The following TAF4B variants were observed in gnomAD, a reference collection of about 807,000 sequenced individuals.
The protein encoded by TAF4B is transcription initiation factor TFIID subunit 4B.
A neutral mutation model predicts 86.4 loss-of-function variants in TAF4B; 38 were observed. The observed-to-expected ratio is 0.44, with a 90% confidence interval of 0.34 to 0.58. The LOEUF is 0.58. TAF4B is among the 20% of genes least tolerant of loss of function. The probability of loss-of-function intolerance (pLI) is 0.02; values close to 1 mark genes in which losing one functional copy is unlikely to be tolerated. For missense variants in TAF4B, 988 were observed against 1,027.6 expected (o/e 0.96, Z 0.53); for synonymous variants, 388 against 391.2 (o/e 0.99, Z 0.10).
intron 1 of TAF4B, among the ~76,000 whole-genome samples, chr18:26,253,769 T>G (rs2144505378): frequency 1.3e-5 from 2 of 152,290 alleles, no homozygotes; most frequent in Middle Eastern, 6.8e-3. Context: ...TCAGGTTGTC[T>G]ATTCTTTCTT....
At chr18:26,298,261 C>T (rs528103984) in intron 9 of TAF4B, among the ~76,000 whole-genome samples, 1 of 151,948 alleles carries the variant, frequency 6.6e-6, no homozygotes, top group African/African-American at 2.4e-5. Flanking sequence ...TGCTCTGTCA[C>T]GCAGGCTGCA....
chr18:26,365,598 T>C (rs546403403), intron 14 of TAF4B, among the ~76,000 whole-genome samples: 48 of 151,494 alleles, frequency 3.2e-4, no homozygotes, highest in African/African-American at 1.2e-3. Flanking sequence ...TGAGACAGAG[T>C]CCGTGGCTTT....
At chr18:26,296,672 A>G (rs987861231) in intron 9 of TAF4B, among the ~76,000 whole-genome samples, 1 of 152,224 alleles carries the variant, frequency 6.6e-6, no homozygotes, top group Admixed American at 6.5e-5. Flanking sequence ...GTCAGGATAC[A>G]TGGAATATTT....
rs1026734714 is a variant in TAF4B at position 26,292,506 on chromosome 18, G to T, written c.1726+125G>T. On this transcript the variant is annotated intron_variant, in intron 8 of 14. Transcript: ENST00000269142. ...CTTTTAAAGTTGGCACCCATTGAGA[G>T]AAAACAGAAAGATAATCGTTAGATT... The T allele has an allele frequency of 1.2e-5, 12 of 999,828 alleles. No homozygotes were observed. The African/African-American group carries it at 1.8e-4, about 15-fold the overall frequency. The allele number at this position is 999,828 out of a possible 1,614,324, so 61.9% of individuals were successfully genotyped here.
chr18:26,383,995 T>C (rs576135919), intron 14 of TAF4B, among the ~76,000 whole-genome samples: 1 of 152,328 alleles, frequency 6.6e-6, no homozygotes, highest in South Asian at 2.1e-4. Context: ...CTGGGTCAGG[T>C]ATCCAGGGCA....
intron 1 of TAF4B, among the ~76,000 whole-genome samples, chr18:26,260,260 T>G (rs2056145225): frequency 6.6e-6 from 1 of 152,240 alleles, no homozygotes; most frequent in Non-Finnish European, 1.5e-5. Context: ...TAGTTTCTTT[T>G]GCTGTGCAGA....
intron 1 of TAF4B, among the ~76,000 whole-genome samples, chr18:26,239,516 AT>A (rs1458976590): frequency 4.0e-5 from 6 of 151,646 alleles, no homozygotes; most frequent in African/African-American, 1.5e-4. Context: ...GATTGTAAAA[AT>A]TTTCTCCCAC....
chr18:26,352,208 A>G (rs1380906460), intron 13 of TAF4B, among the ~76,000 whole-genome samples: 2 of 152,058 alleles, frequency 1.3e-5, no homozygotes, highest in Admixed American at 6.6e-5. Flanking sequence ...CAAATATACC[A>G]TTTCAAAGAT....
intron 9 of TAF4B, among the ~76,000 whole-genome samples, chr18:26,313,543 C>T (rs751584720): frequency 6.6e-6 from 1 of 152,094 alleles, no homozygotes; most frequent in Non-Finnish European, 1.5e-5. Context: ...TAAGTTTTTA[C>T]TGTTTTCTTT....
In TAF4B at chr18:26,256,244, G is replaced by A. The variant is rs1450848616; in HGVS notation, c.344-8926G>A. ...TCTCATGCAATCCAGAACAGCTGTG[G>A]AAGTCCTTTTCATAGCGTTTACTGT... On this transcript the variant is annotated intron_variant, in intron 1 of 14. Coordinates refer to ENST00000269142, the MANE Select transcript of TAF4B (RefSeq NM_005640.3). The A allele has an allele frequency of 5.1e-6, 8 of 1,561,484 alleles. 1 individual carries two copies. The highest frequency in any genetic ancestry group is 7.1e-6 in the Non-Finnish European group (8 of 1,134,108).
rs1228339978 is a variant in TAF4B, at chr18:26,267,514, AG to A, written c.490-1del. On this transcript the variant is annotated splice_acceptor_variant, in intron 2 of 14. Transcript: ENST00000269142. LOFTEE classifies it high-confidence loss of function. ...GTTATCTTGCTCCCCTCCACCGCCA[AG>A]AACTCTAGCTCACAATTAATCAAGA... 6.2e-7 allele frequency: 1 copy of A among 1,612,734 alleles called. No homozygotes were observed.
intron 14 of TAF4B, among the ~76,000 whole-genome samples, chr18:26,388,560 G>A (rs1401980298): frequency 6.6e-6 from 1 of 152,180 alleles, no homozygotes; most frequent in African/African-American, 2.4e-5. Context: ...GCCACAGTGA[G>A]ATTTCCTTGG....
At chr18:26,318,354 A>G (rs569481484) in intron 10 of TAF4B, among the ~76,000 whole-genome samples, 2 of 149,000 alleles carry the variant, frequency 1.3e-5, no homozygotes, top group Non-Finnish European at 3.0e-5. Context: ...GAATTAGCTA[A>G]GCTTTTTTTT....
At chr18:26,348,053 C>A (rs1195812119) in intron 13 of TAF4B, among the ~76,000 whole-genome samples, 2 of 152,208 alleles carry the variant, frequency 1.3e-5, no homozygotes, top group African/African-American at 4.8e-5. Context: ...TTAAACTGTA[C>A]TGTAGACCAA....
At position 26,346,839 on chromosome 18, in the gene TAF4B, G is replaced by GTATATATATA. The variant is rs1567913975; in HGVS notation, c.2317-10850_2317-10849insATATATATAT. Among the ~76,000 whole-genome samples the GTATATATATA allele has an allele frequency of 9.3e-3, 95 of 10,188 alleles. 6 individuals are homozygous for GTATATATATA. The highest frequency in any genetic ancestry group is 0.017 in the Non-Finnish European group (65 of 3,932). The allele number at this position is 10,188 out of a possible 152,430, so 6.7% of individuals were successfully genotyped here. ...TATGTGTGTGTATATATATATATGT[G>GTATATATATA]TGTGTGTATATATATATATGTGTAT... On this transcript the variant is annotated intron_variant, in intron 13 of 14. Coordinates refer to ENST00000269142, the MANE Select transcript of TAF4B (RefSeq NM_005640.3).
chr18:26,288,116 C>T (rs1225299761), intron 7 of TAF4B, among the ~76,000 whole-genome samples: 1 of 152,174 alleles, frequency 6.6e-6, no homozygotes, highest in African/African-American at 2.4e-5. Context: ...TTTTTGGTAG[C>T]ACTGAACAGA....
intron 1 of TAF4B, among the ~76,000 whole-genome samples, chr18:26,240,490 A>G (rs2055820155): frequency 6.6e-6 from 1 of 152,198 alleles, no homozygotes; most frequent in African/African-American, 2.4e-5. Context: ...TTGGGCTGAG[A>G]CAATGGGGTT....
In TAF4B at chr18:26,385,402, T is replaced by C. The variant is rs1978323251; in HGVS notation, c.2422-4443T>C. ...CAGTGGTATAACAAAACAAATTAGG[T>C]GAGATAAGTTGTTAGTGGGCTGGGT... On this transcript the variant is annotated intron_variant, in intron 14 of 14. Coordinates refer to ENST00000269142, the MANE Select transcript of TAF4B (RefSeq NM_005640.3). Among the ~76,000 whole-genome samples the C allele has an allele frequency of 5.3e-5, 8 of 151,986 alleles. No individual in the cohort carries two copies. The South Asian group carries it at 1.5e-3, about 28-fold the overall frequency.
intron 13 of TAF4B, among the ~76,000 whole-genome samples, chr18:26,351,706 T>C (rs750268860): frequency 3.3e-5 from 5 of 152,026 alleles, no homozygotes; most frequent in Non-Finnish European, 7.4e-5. Context: ...AAATAAGATA[T>C]TAAAGGATCA....
Sources: allele counts gnomAD v4.1 joint callset (sites outside exome capture counted in the v4.1 genomes callset), GRCh38; gene constraint gnomAD v4.1.1; transcripts MANE v1.5; gene names NCBI Gene and HGNC (gene_info 2026-07-23, HGNC 2026-07-21).